The following INF2 variants were observed in gnomAD, a reference collection of about 807,000 sequenced individuals.
INF2 encodes inverted formin 2.
Under a neutral mutation model 123.5 loss-of-function variants are expected in INF2, and 43 were observed. That is an observed-to-expected ratio of 0.35 (90% CI 0.27 to 0.45). The LOEUF is 0.45. Ranked by LOEUF, INF2 falls within the 20% of genes least tolerant of loss-of-function variation. The probability of loss-of-function intolerance (pLI) is 1.00; values close to 1 mark genes in which losing one functional copy is unlikely to be tolerated. For missense variants in INF2, 1,453 were observed against 1,682.7 expected (o/e 0.86, Z 2.39); for synonymous variants, 851 against 745.0 (o/e 1.14, Z -2.32).
intron 5 of INF2, chr14:104,704,557 G>C (rs964104447): frequency 6.3e-6 from 1 of 158,398 alleles, no homozygotes; most frequent in African/African-American, 2.4e-5. Context: ...ACGCACGCGC[G>C]CAAGGGATCC....
At chr14:104,715,230 A>G in intron 21 of INF2, 54 bp from the exon 22 acceptor site, 1 of 1,562,680 alleles carries the variant, frequency 6.4e-7, no homozygotes, top group South Asian at 1.1e-5. Context: ...ACTCCGAGTC[A>G]GGGTTGCTTC....
chr14:104,712,309 G>T (rs1890089247), intron 16 of INF2, 124 bp from the exon 17 acceptor site: 4 of 1,316,026 alleles, frequency 3.0e-6, no homozygotes, highest in Non-Finnish European at 4.3e-6. Context: ...TGCACGTGCA[G>T]CCTCAGAGTA....
rs2140726679 is a variant in INF2 at position 104,721,203 on chromosome 14, T to G, written c.*2410T>G. The G allele has an allele frequency of 7.7e-6, 1 of 129,274 alleles. No homozygotes were observed. Among genetic ancestry groups the G allele is most frequent in the African/African-American group, 3.0e-5 (1 of 32,944 alleles). 8.0% of individuals were successfully genotyped at this position (129,274 alleles called of 1,614,324 possible). A position where few individuals can be genotyped will look rare whatever the true frequency, so the allele number is the denominator to read the frequency against. ...TGCTATGGACGTCTGCGTAGTCTCG[T>G]GTGGATGCTGCTGTGGACGTCTGCG... On this transcript the variant is annotated 3_prime_UTR_variant, in exon 23 of 23. Transcript: ENST00000392634.
At chr14:104,689,530 C>A, upstream of INF2, 1 of 767,588 alleles carries the variant, frequency 1.3e-6, no homozygotes, top group Non-Finnish European at 1.6e-6. Context: ...CAGGCCCCGC[C>A]CCCGGCCCGC....
rs67389203 is a variant in INF2, at chr14:104,708,901, CT to C, written c.1949+170del. 0.16 allele frequency among the ~76,000 whole-genome samples: 24,424 copies of C among 152,134 alleles called. 2,328 individuals are homozygous for C. The highest frequency in any genetic ancestry group is 0.22 in the Non-Finnish European group (14,606 of 67,914). On this transcript the variant is annotated intron_variant, in intron 10 of 22. Transcript: ENST00000392634. ...AGCCCCATGCTGCCCCAGCTAGGGG[CT>C]GTCCAGGCTCCCAGGGACAGAGCGC...
At position 104,701,332 on chromosome 14, in the gene INF2, ACGG is replaced by A. The variant is rs753853673; in HGVS notation, c.-9-23_-9-21del. The A allele has an allele frequency of 1.5e-5, 24 of 1,550,840 alleles. No homozygotes were observed. The African/African-American group carries it at 2.9e-4, about 18-fold the overall frequency. ...GACAGCCCCCATCCCCTCCCCGCTG[ACGG>A]CTCCCTGCCCTCTGCCTGCAGCTCG... is the stretch of plus-strand genomic sequence containing the variant. On this transcript the variant is annotated intron_variant, in intron 1 of 22. Coordinates refer to ENST00000392634, the MANE Select transcript of INF2 (RefSeq NM_022489.4).
chr14:104,707,087 G>A (rs1889814030), intron 7 of INF2, 36 bp downstream of exon 7: 2 of 1,555,024 alleles, frequency 1.3e-6, no homozygotes, highest in East Asian at 2.3e-5. Flanking sequence ...GCACAGCCTG[G>A]TGGGCAGACA....
Position 104,709,390 on chromosome 14 carries a change from G to A in INF2, c.2052+7G>A, listed in dbSNP as rs1001559062. 3.1e-6 allele frequency: 5 copies of A among 1,605,216 alleles called. No individual in the cohort carries two copies. Among genetic ancestry groups the A allele is most frequent in the Non-Finnish European group, 4.3e-6 (5 of 1,172,904 alleles). ...CCTTCCCGAGAAGCACGAGGTAAGA[G>A]GACCACCCCCACACCCCACCCCCAG... On this transcript the variant is annotated splice_region_variant and intron_variant, in intron 11 of 22. Coordinates refer to ENST00000392634, the MANE Select transcript of INF2 (RefSeq NM_022489.4).
At chr14:104,713,020 G>T in intron 18 of INF2, 28 bp downstream of exon 18, 1 of 1,611,582 alleles carries the variant, frequency 6.2e-7, no homozygotes, top group Non-Finnish European at 8.5e-7. Context: ...GACACAGCCT[G>T]TCTGGCTAGA....
chr14:104,691,724 G>T (rs1888962506), intron 1 of INF2, among the ~76,000 whole-genome samples: 1 of 152,016 alleles, frequency 6.6e-6, no homozygotes, highest in South Asian at 2.1e-4. Flanking sequence ...AAGGAGAGAG[G>T]GCAGGGGCAC....
Position 104,707,766 on chromosome 14 carries a change from C to T in INF2, c.1499C>T (p.Pro500Leu), listed in dbSNP as rs561201601. Residue 500 changes from proline to leucine, a missense_variant, in exon 8 of 23, where the codon CCG becomes CTG. Coordinates refer to ENST00000392634, the MANE Select transcript of INF2 (RefSeq NM_022489.4). Reference sequence around the variant, plus strand: ...CCACCACTCCCGGGCTTGGGATGCCCGCCCCCACCCCCACCCCTGCTGCCT... The same window carrying T: ...CCACCACTCCCGGGCTTGGGATGCCTGCCCCCACCCCCACCCCTGCTGCCT... Reference protein sequence around the residue: ...PPPPLPGLGCPPPPPPLLPGM... With the variant: ...PPPPLPGLGCLPPPPPLLPGM... 230 of 1,314,478 alleles carry T rather than the reference C, an allele frequency of 1.7e-4. 2 individuals are homozygous for T. Among genetic ancestry groups the T allele is most frequent in the South Asian group, 7.1e-4 (56 of 79,134 alleles). The allele number at this position is 1,314,478 out of a possible 1,614,324, so 81.4% of individuals were successfully genotyped here. A position where few individuals can be genotyped will look rare whatever the true frequency, so the allele number is the denominator to read the frequency against.
exon 1 of INF2, chr14:104,681,228 G>T (rs1352623656): frequency 5.8e-6 from 2 of 342,130 alleles, no homozygotes; most frequent in African/African-American, 4.3e-5. Flanking sequence ...AAAAGCAGGG[G>T]TAGGGAAGGG....
intron 18 of INF2, 104 bp from the exon 19 acceptor site, chr14:104,713,103 A>G: frequency 1.9e-6 from 3 of 1,608,062 alleles, no homozygotes; most frequent in Non-Finnish European, 2.5e-6. Flanking sequence ...CGACACAGCC[A>G]TGTGGGCCCT....
intron 21 of INF2, 88 bp from the exon 22 acceptor site, chr14:104,715,196 G>A: frequency 1.5e-6 from 2 of 1,304,324 alleles, no homozygotes; most frequent in Non-Finnish European, 2.2e-6. Flanking sequence ...TGGCATGGCT[G>A]TCCCGGGCCC....
intron 1 of INF2, among the ~76,000 whole-genome samples, chr14:104,700,488 G>C (rs1331127876): frequency 1.3e-5 from 2 of 152,152 alleles, no homozygotes; most frequent in African/African-American, 4.8e-5. Context: ...GTTGCAGGAG[G>C]GCCTGGGATG....
In INF2 at chr14:104,707,484, T is replaced by G; in HGVS notation, c.1217T>G (p.Leu406Arg). ...PVDHAQSESILKVSQPRALEQ... is the reference protein window; with the variant it reads ...PVDHAQSESIRKVSQPRALEQ... ...GACCACGCCCAGAGTGAGAGCATCC[T>G]GAAAGTTTCGCAGCCCAGAGCCCTG... The change falls in exon 8 of 23, where the codon CTG becomes CGG. Residue 406 changes from leucine (L) to arginine (R), a missense_variant. By Grantham distance (102) the Leu-to-Arg change is moderately radical. Transcript: ENST00000392634. The G allele has an allele frequency of 6.5e-7, 1 of 1,550,156 alleles. No individual in the cohort carries two copies. The highest frequency in any genetic ancestry group is 8.7e-7 in the Non-Finnish European group (1 of 1,147,404).
At chr14:104,702,731 G>C (rs907958952) in intron 2 of INF2, among the ~76,000 whole-genome samples, 1 of 152,272 alleles carries the variant, frequency 6.6e-6, no homozygotes, top group African/African-American at 2.4e-5. Flanking sequence ...GGTCAGATGA[G>C]AGACACCCCC....
chr14:104,715,299 C>G lies in INF2; in HGVS notation c.3710C>G (p.Ser1237Cys), dbSNP rs1423214619. 2.5e-6 allele frequency: 4 copies of G among 1,613,562 alleles called. No individual in the cohort carries two copies. The African/African-American group carries it at 5.3e-5, about 22-fold the overall frequency. Residue 1237 changes from serine (S) to cysteine (C), a missense_variant, in exon 22 of 23, where the codon TCT becomes TGT. Transcript: ENST00000392634. ...SRSQEEVPPD[S>C]DDNKTKKLCV... ...TTGGAAGCAGAGGTTCCCCCTGATTCTGATGATAATAAAACAAAGAAACTG... is the reference window on the plus strand; with the variant it reads ...TTGGAAGCAGAGGTTCCCCCTGATTGTGATGATAATAAAACAAAGAAACTG...
At chr14:104,698,977 T>G (rs1230844150) in intron 1 of INF2, among the ~76,000 whole-genome samples, 1 of 152,070 alleles carries the variant, frequency 6.6e-6, no homozygotes, top group African/African-American at 2.4e-5. Flanking sequence ...AGGGCCAGTT[T>G]CCTCCCACCG....
Sources: allele counts gnomAD v4.1 joint callset (sites outside exome capture counted in the v4.1 genomes callset), GRCh38; gene constraint gnomAD v4.1.1; transcripts MANE v1.5; gene names NCBI Gene and HGNC (gene_info 2026-07-23, HGNC 2026-07-21).